L2HGDH: variants seen among roughly 807,000 people sequenced by gnomAD.
The protein encoded by L2HGDH is L-2-hydroxyglutarate dehydrogenase, mitochondrial.
L2HGDH carries 34 observed loss-of-function variants against 51.5 expected under a neutral mutation model. The observed-to-expected ratio is 0.66, with a 90% CI of 0.50 to 0.88. L2HGDH has a LOEUF of 0.88. Among genes scored for constraint, L2HGDH ranks in the 40% least tolerant of loss-of-function variants. L2HGDH has a pLI of 0.00. For synonymous variants in L2HGDH, 198 were observed against 197.9 expected, an observed-to-expected ratio of 1.00 and a Z score of -0.01; for missense variants, 558 against 571.9, an observed-to-expected ratio of 0.98 and a Z score of 0.25.
chr14:50,277,027 A>G lies in L2HGDH; in HGVS notation c.738+1493T>C, dbSNP rs562844204. 3.3e-5 allele frequency among the ~76,000 whole-genome samples: 5 copies of G among 152,318 alleles called. No individual in the cohort carries two copies. The East Asian group carries it at 5.8e-4, about 18-fold the overall frequency. ...CAAAAATGTCTCTAAACATTGCCAA[A>G]TGTTCCCCGAGGAGTAAAATTGCCT... On this transcript the variant is annotated intron_variant, in intron 6 of 9. Transcript: ENST00000267436.
chr14:50,277,784 AATAAT>A (rs1396111164), intron 6 of L2HGDH, among the ~76,000 whole-genome samples: 1 of 50,762 alleles, frequency 2.0e-5, no homozygotes, highest in East Asian at 4.6e-4. Flanking sequence ...AAATAATAAT[AATAAT>A]AATAATAATA....
intron 1 of L2HGDH, among the ~76,000 whole-genome samples, chr14:50,305,114 T>C (rs1052656484): frequency 6.6e-6 from 1 of 152,208 alleles, no homozygotes; most frequent in Non-Finnish European, 1.5e-5. Flanking sequence ...AACTAACACG[T>C]AAGCTTGATA....
chr14:50,292,771 G>A (rs1021383549), intron 4 of L2HGDH, among the ~76,000 whole-genome samples: 2 of 152,042 alleles, frequency 1.3e-5, no homozygotes, highest in Non-Finnish European at 2.9e-5. Context: ...TGTAATCCCA[G>A]CTACTAGAGA....
intron 1 of L2HGDH, among the ~76,000 whole-genome samples, chr14:50,311,661 T>G (rs145899712): frequency 6.6e-6 from 1 of 152,288 alleles, no homozygotes; most frequent in East Asian, 1.9e-4. Context: ...GTGTGCTAGG[T>G]CCTTTTATCC....
chr14:50,267,701 C>T, intron 8 of L2HGDH, 52 bp downstream of exon 8: 3 of 1,411,388 alleles, frequency 2.1e-6, no homozygotes, highest in Non-Finnish European at 3.0e-6. Flanking sequence ...CAAAACTTCC[C>T]ACATTGAAAA....
intron 1 of L2HGDH, among the ~76,000 whole-genome samples, chr14:50,309,184 T>G (rs1399379015): frequency 3.3e-5 from 5 of 152,212 alleles, no homozygotes; most frequent in African/African-American, 1.2e-4. Context: ...ATTTTTTTCT[T>G]TTAGAGATCA....
At chr14:50,254,339 T>TA (rs552196247) in intron 9 of L2HGDH, among the ~76,000 whole-genome samples, 27 of 149,318 alleles carry the variant, frequency 1.8e-4, no homozygotes, top group South Asian at 1.1e-3. Flanking sequence ...CCATAAAAAT[T>TA]AAAAAAAAAA....
intron 9 of L2HGDH, among the ~76,000 whole-genome samples, chr14:50,261,000 C>T (rs1888985652): frequency 6.6e-6 from 1 of 151,952 alleles, no homozygotes; most frequent in Admixed American, 6.6e-5. Context: ...GCCTGTAATC[C>T]CAGCTGCTCA....
At chr14:50,250,396 C>G (rs2139931224) in intron 9 of L2HGDH, among the ~76,000 whole-genome samples, 1 of 152,312 alleles carries the variant, frequency 6.6e-6, no homozygotes, top group South Asian at 2.1e-4. Flanking sequence ...CAGGGAGTGG[C>G]CCCTCTGCCT....
intron 4 of L2HGDH, 115 bp downstream of exon 4, chr14:50,294,000 G>A (rs1595132935): frequency 5.6e-6 from 7 of 1,247,818 alleles, no homozygotes; most frequent in Middle Eastern, 2.4e-4. Flanking sequence ...CACTACTTCT[G>A]TGACAGGATT....
chr14:50,305,663 A>G (rs925379493), intron 1 of L2HGDH, among the ~76,000 whole-genome samples: 4 of 152,214 alleles, frequency 2.6e-5, no homozygotes, highest in African/African-American at 9.6e-5. Flanking sequence ...ATAATCTTCC[A>G]CTAAGGTAGG....
intron 9 of L2HGDH, 104 bp from the exon 10 acceptor site, chr14:50,247,357 C>A (rs2139923370): frequency 6.6e-7 from 1 of 1,518,070 alleles, no homozygotes; most frequent in Non-Finnish European, 8.9e-7. Flanking sequence ...CTTCTAAATG[C>A]ACAATTATAT....
intron 9 of L2HGDH, among the ~76,000 whole-genome samples, chr14:50,264,641 A>G (rs34327481): frequency 0.02 from 3,099 of 152,294 alleles, 86 homozygotes; most frequent in African/African-American, 0.06. Context: ...AAAACCAAAT[A>G]CCACATGTTC....
intron 9 of L2HGDH, among the ~76,000 whole-genome samples, chr14:50,260,165 C>T (rs1595075819): frequency 6.6e-6 from 1 of 151,992 alleles, no homozygotes; most frequent in East Asian, 1.9e-4. Flanking sequence ...CTCCCCATCC[C>T]CAAGACCAAG....
intron 3 of L2HGDH, among the ~76,000 whole-genome samples, chr14:50,296,733 G>A (rs1410399612): frequency 6.6e-6 from 1 of 151,946 alleles, no homozygotes; most frequent in Non-Finnish European, 1.5e-5. Context: ...AATTCTGTGA[G>A]GCCAATATTA....
chr14:50,299,287 A>C (rs2030265491), intron 3 of L2HGDH, among the ~76,000 whole-genome samples: 1 of 152,170 alleles, frequency 6.6e-6, no homozygotes, highest in African/African-American at 2.4e-5. Flanking sequence ...GAAATCCAAA[A>C]CCTGAACAAA....
At position 50,290,406 on chromosome 14, in the gene L2HGDH, T is replaced by TGA. The variant is rs540662095; in HGVS notation, c.540+3707_540+3708dup. Reference sequence around the variant, plus strand: ...CAGTTCCATCTTACATATTCAAATTTGATTAAATTTCCTAAATTAGTACCT... The same window carrying TGA: ...CAGTTCCATCTTACATATTCAAATTTGAGATTAAATTTCCTAAATTAGTACCT... On this transcript the variant is annotated intron_variant, in intron 4 of 9. Coordinates refer to ENST00000267436, the MANE Select transcript of L2HGDH (RefSeq NM_024884.3). Among the ~76,000 whole-genome samples the TGA allele has an allele frequency of 9.1e-4, 139 of 152,332 alleles. 1 individual carries two copies. Among genetic ancestry groups the TGA allele is most frequent in the Non-Finnish European group, 1.4e-3 (97 of 68,030 alleles).
chr14:50,260,144 G>A (rs76948151), intron 9 of L2HGDH, among the ~76,000 whole-genome samples: 1 of 152,130 alleles, frequency 6.6e-6, no homozygotes, highest in Admixed American at 6.6e-5. Flanking sequence ...TTTTGGGGAA[G>A]ATTCCTCCCA....
At chr14:50,254,528 C>A (rs1888548234) in intron 9 of L2HGDH, among the ~76,000 whole-genome samples, 1 of 152,014 alleles carries the variant, frequency 6.6e-6, no homozygotes, top group East Asian at 1.9e-4. Flanking sequence ...TCAGGACCAG[C>A]CACTGATGTT....
Sources: gnomAD v4.1 joint callset for allele counts (sites outside exome capture counted in the v4.1 genomes callset) on GRCh38, gnomAD v4.1.1 for gene constraint, MANE v1.5 for transcripts, NCBI Gene and HGNC (gene_info 2026-07-23, HGNC 2026-07-21) for gene names.